The following SPATA6 variants were observed in gnomAD, a reference collection of about 807,000 sequenced individuals.
SPATA6 encodes spermatogenesis-associated protein 6.
A neutral mutation model predicts 65.3 loss-of-function variants in SPATA6; 56 were observed. The ratio of observed to expected loss-of-function variants is 0.86; its 90% CI spans 0.69 to 1.07. The LOEUF is 1.07. Among genes scored for constraint, SPATA6 ranks in the 50% least tolerant of loss-of-function variants. The pLI, the probability that SPATA6 is intolerant of heterozygous loss-of-function variation, is 0.00. For synonymous variants in SPATA6, 199 were observed against 213.2 expected (o/e 0.93, Z 0.58); for missense variants, 590 against 594.8 (o/e 0.99, Z 0.08).
rs763559525 is a variant in SPATA6, at chr1:48,472,041, G to A, written c.-33C>T. ...GGGAGGGGCGGCGGGGAGTGACCCC[G>A]GCCACGGGCCCGAGTGAGGCGGGGA... On this transcript the variant is annotated 5_prime_UTR_variant, in exon 1 of 13. Transcript: ENST00000371847. The A allele has an allele frequency of 8.6e-5, 128 of 1,481,914 alleles. No homozygotes were observed. Among genetic ancestry groups the A allele is most frequent in the Middle Eastern group, 6.5e-4 (3 of 4,600 alleles). The allele number at this position is 1,481,914 out of a possible 1,614,324, so 91.8% of individuals were successfully genotyped here.
chr1:48,464,705 A>T (rs1392421391), intron 1 of SPATA6, among the ~76,000 whole-genome samples: 1 of 152,230 alleles, frequency 6.6e-6, no homozygotes, highest in Non-Finnish European at 1.5e-5. Flanking sequence ...CTAGATTTCA[A>T]AACTTCAAAA....
At chr1:48,262,793 AAT>A in the SPATA6 span, 1 of 152,164 alleles carries the variant, frequency 6.6e-6, no homozygotes, top group Non-Finnish European at 1.5e-5. Flanking sequence ...CTCTTCCATT[AAT>A]AGTTTTTACG....
intron 10 of SPATA6, among the ~76,000 whole-genome samples, chr1:48,356,173 A>G (rs925664377): frequency 2.0e-5 from 3 of 152,158 alleles, no homozygotes; most frequent in Non-Finnish European, 4.4e-5. Flanking sequence ...AGCAACACAG[A>G]AGTTAAATGG....
At chr1:48,308,574 C>T (rs549353717) in intron 11 of SPATA6, among the ~76,000 whole-genome samples, 1 of 152,222 alleles carries the variant, frequency 6.6e-6, no homozygotes, top group South Asian at 2.1e-4. Flanking sequence ...ATCTGAGCTA[C>T]TGTCTAGTGT....
chr1:48,405,612 G>A lies in SPATA6; in HGVS notation c.406-1730C>T, dbSNP rs185721026. ...TCATAAACCTCTCCAAAAGGCTACT[G>A]AGTGTTCTCATGATGTGGTTCTAGT... On this transcript the variant is annotated intron_variant, in intron 5 of 12. Transcript: ENST00000371847. Among the ~76,000 whole-genome samples, 61 of 152,256 alleles carry A rather than the reference G, an allele frequency of 4.0e-4. No individual in the cohort carries two copies. The East Asian group carries it at 0.011, about 28-fold the overall frequency.
chr1:48,415,728 A>T (rs1257785273), intron 3 of SPATA6, among the ~76,000 whole-genome samples: 1 of 151,628 alleles, frequency 6.6e-6, no homozygotes, highest in Non-Finnish European at 1.5e-5. Context: ...TACCAGAAAG[A>T]GAAGAAACAG....
Position 48,471,943 on chromosome 1 carries a change from G to A in SPATA6, c.51+15C>T, listed in dbSNP as rs1570673094. 4.3e-6 allele frequency: 7 copies of A among 1,609,788 alleles called. No individual in the cohort carries two copies. In the East Asian group the frequency reaches 1.3e-4, roughly 31 times the overall value. On this transcript the variant is annotated intron_variant, in intron 1 of 12. Coordinates refer to ENST00000371847, the MANE Select transcript of SPATA6 (RefSeq NM_019073.4). ...GAGCCAATGCCCGGGGGTGGGAGGC[G>A]CTACCGGTACTCACTGAGCTGATCT...
At chr1:48,317,098 A>G (rs1645451003) in intron 11 of SPATA6, among the ~76,000 whole-genome samples, 1 of 152,236 alleles carries the variant, frequency 6.6e-6, no homozygotes, top group Non-Finnish European at 1.5e-5. Flanking sequence ...AACTAGTTCA[A>G]CGATTGTGGA....
intron 11 of SPATA6, among the ~76,000 whole-genome samples, chr1:48,338,924 T>C (rs1361332402): frequency 2.0e-5 from 3 of 152,020 alleles, no homozygotes; most frequent in African/African-American, 7.2e-5. Context: ...AAGCACCATT[T>C]ACCCTGAGGA....
the SPATA6 span, among the ~76,000 whole-genome samples, chr1:48,275,149 T>C: frequency 6.6e-6 from 1 of 152,208 alleles, no homozygotes. Flanking sequence ...TTGTCTATTA[T>C]TGGTACATAG....
chr1:48,426,631 A>G (rs1016329726), intron 3 of SPATA6, among the ~76,000 whole-genome samples: 4 of 152,056 alleles, frequency 2.6e-5, no homozygotes, highest in Non-Finnish European at 5.9e-5. Context: ...CTTCTAAGAG[A>G]TAAGAAAAAA....
intron 3 of SPATA6, among the ~76,000 whole-genome samples, chr1:48,448,279 G>A (rs913349360): frequency 2.4e-4 from 36 of 149,670 alleles, no homozygotes; most frequent in Non-Finnish European, 5.0e-4. Context: ...AAAAAAAGGA[G>A]AAGCTGAAAA....
chr1:48,277,201 A>T, the SPATA6 span, among the ~76,000 whole-genome samples: 2 of 151,652 alleles, frequency 1.3e-5, no homozygotes, highest in African/African-American at 4.9e-5. Context: ...GGCTGGAGCC[A>T]AGATGGCCAA....
chr1:48,292,857 T>C (rs1644777313), downstream of SPATA6, among the ~76,000 whole-genome samples: 1 of 152,204 alleles, frequency 6.6e-6, no homozygotes, highest in Non-Finnish European at 1.5e-5. Context: ...ACTGCAGGCA[T>C]GCATGCAGTG....
intron 11 of SPATA6, among the ~76,000 whole-genome samples, chr1:48,318,972 T>G (rs1645520085): frequency 6.6e-6 from 1 of 152,204 alleles, no homozygotes; most frequent in Non-Finnish European, 1.5e-5. Context: ...CATACATTTA[T>G]AGTCAACTGA....
At chr1:48,325,298 G>A in intron 11 of SPATA6, 1 of 1,091,720 alleles carries the variant, frequency 9.2e-7, no homozygotes, top group Non-Finnish European at 1.4e-6. Context: ...GTGGAAACTG[G>A]GAGCCTGCTT....
chr1:48,407,143 T>C (rs1206891385), intron 5 of SPATA6, among the ~76,000 whole-genome samples: 2 of 152,184 alleles, frequency 1.3e-5, no homozygotes, highest in Non-Finnish European at 2.9e-5. Flanking sequence ...TGCATATGCA[T>C]AGGTAAGTGG....
chr1:48,284,210 T>A, the SPATA6 span, among the ~76,000 whole-genome samples: 1 of 152,216 alleles, frequency 6.6e-6, no homozygotes, highest in Admixed American at 6.5e-5. Flanking sequence ...TTCTTCCACT[T>A]GATCAATTTG....
rs1184207509 is a variant in SPATA6 at position 48,304,633 on chromosome 1, T to C, written c.1286+1154A>G. ...CACTGGGATTACAGGCGTGAGCCAT[T>C]GCACCTGGCCCCATGATATCTCTTA... On this transcript the variant is annotated intron_variant, in intron 12 of 12. Coordinates refer to ENST00000371847, the MANE Select transcript of SPATA6 (RefSeq NM_019073.4). Among the ~76,000 whole-genome samples the C allele has an allele frequency of 2.0e-5, 3 of 152,304 alleles. No homozygotes were observed. In the East Asian group the frequency reaches 5.8e-4, roughly 29 times the overall value.
Sources: gnomAD v4.1 joint callset for allele counts (sites outside exome capture counted in the v4.1 genomes callset) on GRCh38, gnomAD v4.1.1 for gene constraint, MANE v1.5 for transcripts, NCBI Gene and HGNC (gene_info 2026-07-23, HGNC 2026-07-21) for gene names.